Variants in LOXL2 observed in about 807,000 individuals in gnomAD.
The protein encoded by LOXL2 is lysyl oxidase homolog 2.
Under a neutral mutation model 93.0 loss-of-function variants are expected in LOXL2, and 70 were observed. The ratio of observed to expected loss-of-function variants is 0.75; its 90% CI spans 0.62 to 0.92. LOXL2 has a LOEUF of 0.92. Among genes scored for constraint, LOXL2 ranks in the 40% least tolerant of loss-of-function variants. The pLI is 0.00. For missense variants in LOXL2, 973 were observed against 1,054.9 expected, an observed-to-expected ratio of 0.92 and a Z score of 1.08; for synonymous variants, 438 against 413.2, an observed-to-expected ratio of 1.06 and a Z score of -0.73.
chr8:23,393,347 C>T (rs908114548), intron 1 of LOXL2, among the ~76,000 whole-genome samples: 5 of 152,156 alleles, frequency 3.3e-5, no homozygotes, highest in Admixed American at 6.5e-5. Context: ...TACTGGGATA[C>T]GGAGAGACAT....
Position 23,360,146 on chromosome 8 carries a change from T to C in LOXL2, c.475A>G (p.Ser159Gly). 2.5e-6 allele frequency: 4 copies of C among 1,613,926 alleles called. No homozygotes were observed. Among genetic ancestry groups the C allele is most frequent in the Non-Finnish European group, 3.4e-6 (4 of 1,179,788 alleles). ...TTGAACCCAGGAATCCTTTTGTCGCTGCACACCACACCGACATCCTCCGTG... is the reference window on the plus strand; with the variant it reads ...TTGAACCCAGGAATCCTTTTGTCGCCGCACACCACACCGACATCCTCCGTG... ...KHTEDVGVVC[S>G]DKRIPGFKFD... Residue 159 changes from serine (S) to glycine (G), a missense_variant, in exon 3 of 14, where the codon AGC (serine) becomes GGC (glycine). Physicochemically the swap from Ser to Gly is moderately conservative, Grantham distance 56. Transcript: ENST00000389131.
At chr8:23,349,344 G>A (rs1804052494) in intron 3 of LOXL2, among the ~76,000 whole-genome samples, 2 of 152,136 alleles carry the variant, frequency 1.3e-5, no homozygotes, top group Non-Finnish European at 1.5e-5. Context: ...CCCATACCCT[G>A]CCATTCTCTG....
intron 1 of LOXL2, among the ~76,000 whole-genome samples, chr8:23,379,422 C>G (rs1405864468): frequency 6.6e-6 from 1 of 152,200 alleles, no homozygotes; most frequent in Non-Finnish European, 1.5e-5. Flanking sequence ...GTTCTCAGAT[C>G]TCAAACTCCA....
At chr8:23,396,729 T>A (rs1800094823) in intron 1 of LOXL2, among the ~76,000 whole-genome samples, 1 of 152,240 alleles carries the variant, frequency 6.6e-6, no homozygotes, top group Non-Finnish European at 1.5e-5. Context: ...AGAAAATCAA[T>A]ATCCAGTCCC....
Position 23,368,546 on chromosome 8 carries a change from G to A in LOXL2, c.-83-112C>T, listed in dbSNP as rs112887554. 4.3e-3 allele frequency: 2,605 copies of A among 600,980 alleles called. 43 individuals carry two copies. Among genetic ancestry groups the A allele is most frequent in the African/African-American group, 0.042 (2,300 of 54,240 alleles). 37.2% of individuals were successfully genotyped at this position (600,980 alleles called of 1,614,324 possible). A position where few individuals can be genotyped will look rare whatever the true frequency, so the allele number is the denominator to read the frequency against. ...TAATATGGAAAGCTCGTCCATTCTC[G>A]ACGCCAATCCAGCCCCACTCCTACA... On this transcript the variant is annotated intron_variant, in intron 1 of 13. Coordinates refer to ENST00000389131, the MANE Select transcript of LOXL2 (RefSeq NM_002318.3).
At chr8:23,380,935 C>T (rs547087513) in intron 1 of LOXL2, among the ~76,000 whole-genome samples, 1 of 152,250 alleles carries the variant, frequency 6.6e-6, no homozygotes, top group Non-Finnish European at 1.5e-5. Flanking sequence ...ATTGCTTGAA[C>T]CTGGGAGGCG....
intron 1 of LOXL2, among the ~76,000 whole-genome samples, chr8:23,385,352 T>C (rs1165062256): frequency 1.3e-5 from 2 of 150,796 alleles, no homozygotes; most frequent in African/African-American, 2.4e-5. Flanking sequence ...GTTCAAGCAA[T>C]TCTCCTGCCT....
At position 23,404,092 on chromosome 8, in the gene LOXL2, A is replaced by T. The variant is rs1800187052; in HGVS notation, c.-222T>A. ...CCGATGGCTGGAGAAAGCAAGCACC[A>T]AGCGTAGGTAGCCGCGCGCTGGAGT... On this transcript the variant is annotated 5_prime_UTR_variant, in exon 1 of 14. Coordinates refer to ENST00000389131, the MANE Select transcript of LOXL2 (RefSeq NM_002318.3). 4.8e-6 allele frequency: 1 copy of T among 207,610 alleles called. No homozygotes were observed. The highest frequency in any genetic ancestry group is 1.0e-5 in the Non-Finnish European group (1 of 96,934). The allele number at this position is 207,610 out of a possible 1,614,324, so 12.9% of individuals were successfully genotyped here.
chr8:23,320,858 T>C (rs1036659372), intron 7 of LOXL2, among the ~76,000 whole-genome samples: 1 of 152,068 alleles, frequency 6.6e-6, no homozygotes, highest in Non-Finnish European at 1.5e-5. Context: ...CAGTGGGCTA[T>C]GATCATACCA....
At chr8:23,324,080 A>G (rs1454736730) in intron 6 of LOXL2, among the ~76,000 whole-genome samples, 2 of 152,224 alleles carry the variant, frequency 1.3e-5, no homozygotes, top group Non-Finnish European at 2.9e-5. Context: ...TGAATTCTTC[A>G]TTCCAGGATC....
At position 23,374,326 on chromosome 8, in the gene LOXL2, C is replaced by T. The variant is rs555538815; in HGVS notation, c.-83-5892G>A. Among the ~76,000 whole-genome samples the T allele has an allele frequency of 2.8e-4, 43 of 152,278 alleles. 1 individual carries two copies. The East Asian group carries it at 6.2e-3, about 22-fold the overall frequency. ...AGTATTCCATGGTGTATATGTGCCACATTTTCTTAATCCAGTCTATCTTTG... is the reference window on the plus strand; with the variant it reads ...AGTATTCCATGGTGTATATGTGCCATATTTTCTTAATCCAGTCTATCTTTG... On this transcript the variant is annotated intron_variant, in intron 1 of 13. Transcript: ENST00000389131.
Position 23,309,875 on chromosome 8 carries a change from T to G in LOXL2, c.1673A>C (p.Gln558Pro), listed in dbSNP as rs751110642. The G allele has an allele frequency of 7.6e-6, 12 of 1,569,318 alleles. No homozygotes were observed. The African/African-American group carries it at 1.2e-4, about 16-fold the overall frequency. ...CCGGTCCTCCAGGTAGGTGGTCTGC[T>G]GCACCATCTCCGCATTGAGGACCAG... ...PDLVLNAEMVQQTTYLEDRPM... is the reference protein window; with the variant it reads ...PDLVLNAEMVPQTTYLEDRPM... The change falls in exon 10 of 14, where the codon CAG becomes CCG. Residue 558 changes from glutamine to proline, a missense_variant. Transcript: ENST00000389131.
chr8:23,320,323 G>T (rs117729060), intron 7 of LOXL2, among the ~76,000 whole-genome samples: 2,413 of 152,318 alleles, frequency 0.016, 56 homozygotes, highest in South Asian at 0.12. Context: ...CTCCCCATGA[G>T]CCTATCAGTG....
At chr8:23,383,171 C>A (rs1804703994) in intron 1 of LOXL2, among the ~76,000 whole-genome samples, 2 of 152,284 alleles carry the variant, frequency 1.3e-5, no homozygotes, top group South Asian at 4.1e-4. Context: ...CAACCCTCCT[C>A]CTTGAGGAAC....
At position 23,322,259 on chromosome 8, in the gene LOXL2, G is replaced by C. The variant is rs754918494; in HGVS notation, c.1173C>G (p.Asn391Lys). The change falls in exon 7 of 14, where the codon AAC becomes AAG. Residue 391 changes from asparagine (N) to lysine (K), a missense_variant. Coordinates refer to ENST00000389131, the MANE Select transcript of LOXL2 (RefSeq NM_002318.3). Reference protein sequence around the residue: ...LGQGIGPIHLNEIQCTGNEKS... With the variant: ...LGQGIGPIHLKEIQCTGNEKS... ...TCTCATTGCCTGTGCACTGGATCTC[G>C]TTGAGGTGGATGGGTCCGATCCCTG... 2 of 1,614,060 alleles carry C rather than the reference G, an allele frequency of 1.2e-6. No homozygotes were observed. Among genetic ancestry groups the C allele is most frequent in the African/African-American group, 2.7e-5 (2 of 74,940 alleles).
intron 2 of LOXL2, chr8:23,364,223 G>A (rs4285498): frequency 0.26 from 40,120 of 151,856 alleles, 5,545 homozygotes; most frequent in East Asian, 0.42. Flanking sequence ...AGACTACTCC[G>A]ATTCCAATGC....
intron 11 of LOXL2, 136 bp downstream of exon 11, chr8:23,303,146 G>A: frequency 2.9e-6 from 2 of 678,522 alleles, no homozygotes; most frequent in Non-Finnish European, 5.4e-6. Flanking sequence ...GCTGAGGAAG[G>A]TCCAGGTGGG....
At chr8:23,359,946 A>C (rs1804260880) in intron 3 of LOXL2, 144 bp downstream of exon 3, 1 of 712,416 alleles carries the variant, frequency 1.4e-6, no homozygotes, top group African/African-American at 1.8e-5. Context: ...ATCCTTCCCT[A>C]AACTGCCCTT....
chr8:23,374,830 A>AGATTCTGGATATTAGCCCTTTGTC (rs1804561430), intron 1 of LOXL2, among the ~76,000 whole-genome samples: 2 of 152,146 alleles, frequency 1.3e-5, no homozygotes, highest in African/African-American at 4.8e-5. Context: ...AGTTCTTTGT[A>AGATTCTGGATATTAGCCCTTTGTC]GATTCTGGAT....
Sources: gnomAD v4.1 joint callset for allele counts (sites outside exome capture counted in the v4.1 genomes callset) on GRCh38, gnomAD v4.1.1 for gene constraint, MANE v1.5 for transcripts, NCBI Gene and HGNC (gene_info 2026-07-23, HGNC 2026-07-21) for gene names.